Variants in GSE1 observed in about 807,000 individuals in gnomAD.
The protein encoded by GSE1 is genetic suppressor element 1.
In GSE1, 32 loss-of-function variants were observed where a neutral mutation model predicts 112.6. The ratio of observed to expected loss-of-function variants is 0.28; its 90% CI spans 0.21 to 0.38. The LOEUF (loss-of-function observed/expected upper bound fraction) is 0.38, where lower values mean the gene tolerates loss of function less well. Ranked by LOEUF, GSE1 falls within the 10% of genes least tolerant of loss-of-function variation. The pLI is 1.00. For synonymous variants in GSE1, 1,115 were observed against 735.6 expected, an observed-to-expected ratio of 1.52 and a Z score of -8.35; for missense variants, 2,348 against 1,699.2, an observed-to-expected ratio of 1.38 and a Z score of -6.71.
chr16:85,449,021 C>G (rs2049593172), intron 2 of GSE1, among the ~76,000 whole-genome samples: 1 of 152,184 alleles, frequency 6.6e-6, no homozygotes, highest in African/African-American at 2.4e-5. Flanking sequence ...TCTCAGGCGT[C>G]AATATTGACT....
chr16:85,522,748 A>T (rs1204418338), intron 2 of GSE1, among the ~76,000 whole-genome samples: 1 of 151,868 alleles, frequency 6.6e-6, no homozygotes, highest in African/African-American at 2.4e-5. Context: ...TACTGTGTGT[A>T]TGTGTGTTGT....
At chr16:85,420,267 C>T (rs1166005721) in intron 2 of GSE1, among the ~76,000 whole-genome samples, 2 of 152,122 alleles carry the variant, frequency 1.3e-5, no homozygotes, top group Admixed American at 6.5e-5. Flanking sequence ...GCCCTGTCGC[C>T]CAGGTTGTCG....
At chr16:85,420,460 G>C (rs906133596) in intron 2 of GSE1, among the ~76,000 whole-genome samples, 1 of 152,020 alleles carries the variant, frequency 6.6e-6, no homozygotes, top group Non-Finnish European at 1.5e-5. Flanking sequence ...CCTCCCCATC[G>C]CCATGTCTCC....
At chr16:85,441,439 G>A (rs1326809308) in intron 2 of GSE1, among the ~76,000 whole-genome samples, 2 of 151,048 alleles carry the variant, frequency 1.3e-5, no homozygotes, top group Non-Finnish European at 3.0e-5. Context: ...TGGATCACCT[G>A]AGGTCAGGAG....
upstream of GSE1, chr16:85,613,295 C>G: frequency 6.5e-7 from 1 of 1,540,584 alleles, no homozygotes; most frequent in Non-Finnish European, 8.8e-7. Context: ...GAGCTGCCGC[C>G]GCCGAGCAGC....
At chr16:85,498,134 G>A (rs568155856) in intron 2 of GSE1, among the ~76,000 whole-genome samples, 34 of 152,164 alleles carry the variant, frequency 2.2e-4, no homozygotes, top group South Asian at 8.3e-4. Flanking sequence ...TGGAGCTGGC[G>A]GGAGGAGGGA....
At chr16:85,214,145 G>A (rs987677383) in intron 1 of GSE1, among the ~76,000 whole-genome samples, 1 of 152,182 alleles carries the variant, frequency 6.6e-6, no homozygotes, top group South Asian at 2.1e-4. Flanking sequence ...CGAGACTGGC[G>A]TGCCCGCCGG....
chr16:85,555,972 C>G (rs2045189631), exon 1 of GSE1: 9 of 984,540 alleles, frequency 9.1e-6, no homozygotes, highest in Non-Finnish European at 1.1e-5. Context: ...TTATTTGCAT[C>G]TCAAGTCCAA....
intron 2 of GSE1, among the ~76,000 whole-genome samples, chr16:85,358,244 C>T (rs572307043): frequency 1.4e-4 from 22 of 152,334 alleles, no homozygotes; most frequent in East Asian, 3.9e-4. Flanking sequence ...GGTTAATCGC[C>T]GTGTGTGGAC....
rs563136807 is a variant in GSE1, at chr16:85,556,194, T to A, written c.-133T>A. On this transcript the variant is annotated 5_prime_UTR_variant, in exon 1 of 3. Coordinates refer to the GSE1 transcript ENST00000635906. ...TTTTCGTCGCTCTCGGGATCGCTCT[T>A]CTGCCTTTATTTTATTGTTTTGGAC... 3,915 of 984,788 alleles carry A rather than the reference T, an allele frequency of 4.0e-3. 10 individuals are homozygous for A. The highest frequency in any genetic ancestry group is 4.5e-3 in the Non-Finnish European group (3,713 of 829,508). 61.0% of individuals were successfully genotyped at this position (984,788 alleles called of 1,614,324 possible). A position where few individuals can be genotyped will look rare whatever the true frequency, so the allele number is the denominator to read the frequency against.
At chr16:85,215,354 A>T (rs1389553023) in intron 1 of GSE1, among the ~76,000 whole-genome samples, 1 of 152,176 alleles carries the variant, frequency 6.6e-6, no homozygotes, top group Non-Finnish European at 1.5e-5. Flanking sequence ...CTAAGCTATG[A>T]GTCCACACGG....
At chr16:85,493,323 C>T (rs1433427568) in intron 2 of GSE1, among the ~76,000 whole-genome samples, 1 of 151,950 alleles carries the variant, frequency 6.6e-6, no homozygotes, top group African/African-American at 2.4e-5. Flanking sequence ...TGGTGCACAT[C>T]TGTAGTCTTC....
intron 2 of GSE1, among the ~76,000 whole-genome samples, chr16:85,518,709 A>T (rs1055691073): frequency 6.6e-6 from 1 of 152,002 alleles, no homozygotes; most frequent in Non-Finnish European, 1.5e-5. Context: ...CCTTGTTTTA[A>T]ATCACCCAGC....
intron 2 of GSE1, among the ~76,000 whole-genome samples, chr16:85,546,908 C>T (rs918904838): frequency 1.1e-4 from 17 of 152,322 alleles, no homozygotes; most frequent in Middle Eastern, 3.4e-3. Context: ...GCCACTTCCC[C>T]GGGCAGATGG....
chr16:85,505,351 G>A (rs562983343), intron 2 of GSE1, among the ~76,000 whole-genome samples: 2 of 152,296 alleles, frequency 1.3e-5, no homozygotes, highest in Non-Finnish European at 2.9e-5. Context: ...CACCCGGGAG[G>A]CCTTCCACAC....
intron 6 of GSE1, 138 bp from the exon 7 acceptor site, chr16:85,656,205 G>C (rs2051914414): frequency 9.0e-7 from 1 of 1,117,286 alleles, no homozygotes; most frequent in Non-Finnish European, 1.3e-6. Flanking sequence ...TCCTGCACCA[G>C]TGAAACCCGG....
At chr16:85,657,232 G>GGCC (rs759416488) in intron 7 of GSE1, 45 bp from the exon 8 acceptor site, 9 of 1,332,176 alleles carry the variant, frequency 6.8e-6, no homozygotes, top group Non-Finnish European at 7.2e-6. Flanking sequence ...GGAGCATGCT[G>GGCC]GCCCACGTGG....
At chr16:85,247,945 C>G (rs976015469) in intron 1 of GSE1, among the ~76,000 whole-genome samples, 5 of 152,250 alleles carry the variant, frequency 3.3e-5, no homozygotes, top group Admixed American at 6.5e-5. Context: ...CTTGTCACTT[C>G]TGGCTGTAGG....
At chr16:85,630,317 C>G (rs927154288) in intron 1 of GSE1, among the ~76,000 whole-genome samples, 11 of 152,194 alleles carry the variant, frequency 7.2e-5, no homozygotes, top group South Asian at 6.2e-4. Flanking sequence ...GTCTCTACCT[C>G]TTGAAAGGAT....
Sources: allele counts gnomAD v4.1 joint callset (sites outside exome capture counted in the v4.1 genomes callset), GRCh38; gene constraint gnomAD v4.1.1; transcripts MANE v1.5; gene names NCBI Gene and HGNC (gene_info 2026-07-23, HGNC 2026-07-21).